Variants in PCDHGB7 observed in about 807,000 individuals in gnomAD.
PCDHGB7 encodes protocadherin gamma-B7.
A neutral mutation model predicts 61.4 loss-of-function variants in PCDHGB7; 37 were observed. The observed-to-expected ratio is 0.60, with a 90% CI of 0.46 to 0.79. The LOEUF is 0.79. Ranked by LOEUF, PCDHGB7 falls within the 30% of genes least tolerant of loss-of-function variation. The probability of loss-of-function intolerance (pLI) is 0.00; values close to 1 mark genes in which losing one functional copy is unlikely to be tolerated. For missense variants in PCDHGB7, 1,166 were observed against 1,202.5 expected (o/e 0.97, Z 0.45); for synonymous variants, 464 against 503.5 (o/e 0.92, Z 1.05).
chr5:141,454,796 ATTTTTT>A (rs61612330), intron 1 of PCDHGB7, among the ~76,000 whole-genome samples: 41 of 77,454 alleles, frequency 5.3e-4, no homozygotes, highest in African/African-American at 1.7e-3. Context: ...CATGGTTCTA[ATTTTTT>A]TTTTTTTTTT....
At chr5:141,481,894 A>G (rs1278425155) in intron 1 of PCDHGB7, among the ~76,000 whole-genome samples, 1 of 145,812 alleles carries the variant, frequency 6.9e-6, no homozygotes, top group Non-Finnish European at 1.5e-5. Flanking sequence ...AGCCTGGGTG[A>G]AAGAGCGAAA....
Position 141,431,962 on chromosome 5 carries a change from C to G in PCDHGB7, c.2415+11688C>G. 1.2e-6 allele frequency: 2 copies of G among 1,614,190 alleles called. No homozygotes were observed. Among genetic ancestry groups the G allele is most frequent in the South Asian group, 2.2e-5 (2 of 91,086 alleles). ...AATTAGAAAAATCTTACGGAAATTACTATAGTTTAGTCACAGACATAGTCT... is the reference window on the plus strand; with the variant it reads ...AATTAGAAAAATCTTACGGAAATTAGTATAGTTTAGTCACAGACATAGTCT... On this transcript the variant is annotated intron_variant, in intron 1 of 3. Transcript: ENST00000398594. The surrounding 1 kb of genome is among the most constrained non-coding windows in gnomAD (Gnocchi z 4.8).
intron 1 of PCDHGB7, among the ~76,000 whole-genome samples, chr5:141,457,729 T>A (rs950979422): frequency 2.0e-5 from 3 of 152,236 alleles, no homozygotes; most frequent in Non-Finnish European, 4.4e-5. Context: ...GAATTTCAGA[T>A]TAGACTTTTA....
At chr5:141,447,032 C>A (rs1412709585) in intron 1 of PCDHGB7, among the ~76,000 whole-genome samples, 1 of 149,498 alleles carries the variant, frequency 6.7e-6, no homozygotes, top group Admixed American at 6.6e-5. Context: ...TGTTTTTTTT[C>A]TGTGTCTGGA....
chr5:141,497,326 T>C (rs1021730142), intron 2 of PCDHGB7, among the ~76,000 whole-genome samples: 1 of 152,060 alleles, frequency 6.6e-6, no homozygotes, highest in Non-Finnish European at 1.5e-5. Flanking sequence ...TGAAGCAGAA[T>C]TCACCATTGA....
chr5:141,428,773 T>C (rs1036838681), intron 1 of PCDHGB7: 1 of 154,174 alleles, frequency 6.5e-6, no homozygotes, highest in Admixed American at 6.4e-5. Context: ...CCACTCTTAA[T>C]ATTTCCTGTT....
chr5:141,489,089 A>C lies in PCDHGB7; in HGVS notation c.2416-5718A>C. 6 of 284,452 alleles carry C rather than the reference A, an allele frequency of 2.1e-5. No individual in the cohort carries two copies. The highest frequency in any genetic ancestry group is 5.7e-5 in the East Asian group (1 of 17,568). The allele number at this position is 284,452 out of a possible 1,614,324, so 17.6% of individuals were successfully genotyped here. A position where few individuals can be genotyped will look rare whatever the true frequency, so the allele number is the denominator to read the frequency against. Reference sequence around the variant, plus strand: ...CCCTGCCCACCCCCGCCACTCGGTGACTAAGAACTGCTGCAAGCAGGCAAA... The same window carrying C: ...CCCTGCCCACCCCCGCCACTCGGTGCCTAAGAACTGCTGCAAGCAGGCAAA... On this transcript the variant is annotated intron_variant, in intron 1 of 3. Transcript: ENST00000398594. This position sits in a 1 kb window ranked among gnomAD's most constrained non-coding sequence, Gnocchi z 4.5.
At position 141,427,298 on chromosome 5, in the gene PCDHGB7, G is replaced by A. The variant is rs960474831; in HGVS notation, c.2415+7024G>A. The A allele has an allele frequency of 8.8e-6, 4 of 456,870 alleles. No individual in the cohort carries two copies. The Admixed American group carries it at 9.4e-5, about 11-fold the overall frequency. 28.3% of individuals were successfully genotyped at this position (456,870 alleles called of 1,614,324 possible). A position where few individuals can be genotyped will look rare whatever the true frequency, so the allele number is the denominator to read the frequency against. On this transcript the variant is annotated intron_variant, in intron 1 of 3. Coordinates refer to ENST00000398594, the MANE Select transcript of PCDHGB7 (RefSeq NM_018927.4). ...AAATTATACTAGAAATCCTAGATGA[G>A]AATGACAATGCCCCAGACGTGGTTT...
intron 1 of PCDHGB7, chr5:141,428,211 C>A: frequency 7.8e-7 from 1 of 1,284,316 alleles, no homozygotes; most frequent in Non-Finnish European, 1.1e-6. Context: ...CTACGCTTCA[C>A]CTAGTCTTCG....
At chr5:141,455,842 C>T (rs1224197325) in intron 1 of PCDHGB7, among the ~76,000 whole-genome samples, 1 of 150,876 alleles carries the variant, frequency 6.6e-6, no homozygotes, top group Non-Finnish European at 1.5e-5. Context: ...TGTCTATCTG[C>T]ATAAAATAAT....
intron 1 of PCDHGB7, among the ~76,000 whole-genome samples, chr5:141,457,926 GGGCTTTTATT>G (rs1398565105): frequency 6.6e-6 from 1 of 151,120 alleles, no homozygotes; most frequent in Non-Finnish European, 1.5e-5. Context: ...TCTCCCCAAG[GGGCTTTTATT>G]GGCTCTGCAT....
At chr5:141,426,655 A>C (rs2096950037) in intron 1 of PCDHGB7, 1 of 424,748 alleles carries the variant, frequency 2.4e-6, no homozygotes, top group Non-Finnish European at 4.8e-6. Flanking sequence ...ATGATAGAAG[A>C]TATAAATGAT....
chr5:141,481,676 G>T (rs975849679), intron 1 of PCDHGB7, among the ~76,000 whole-genome samples: 1 of 152,028 alleles, frequency 6.6e-6, no homozygotes, highest in Non-Finnish European at 1.5e-5. Flanking sequence ...AAATCAGGCC[G>T]GGCCTGGTGG....
rs1344329529 is a variant in PCDHGB7, at chr5:141,456,847, C to T, written c.2415+36573C>T. Among the ~76,000 whole-genome samples the T allele has an allele frequency of 2.0e-5, 3 of 152,084 alleles. No homozygotes were observed. The East Asian group carries it at 5.8e-4, about 29-fold the overall frequency. ...TCGTGGTAGTGGGCGCCTGTAATCC[C>T]AGCTAATTGGGAGGCTGAGGCAGGA... On this transcript the variant is annotated intron_variant, in intron 1 of 3. Transcript: ENST00000398594.
chr5:141,427,921 G>A (rs2097089596), intron 1 of PCDHGB7: 3 of 1,580,128 alleles, frequency 1.9e-6, no homozygotes, highest in African/African-American at 1.3e-5. Flanking sequence ...AACATGAGCC[G>A]GCGCATGTTG....
At chr5:141,482,343 A>G (rs1016179369) in intron 1 of PCDHGB7, among the ~76,000 whole-genome samples, 3 of 152,126 alleles carry the variant, frequency 2.0e-5, no homozygotes, top group Non-Finnish European at 2.9e-5. Flanking sequence ...TACTTTGCAA[A>G]CTTGTTGTGA....
intron 2 of PCDHGB7, among the ~76,000 whole-genome samples, chr5:141,504,750 A>C (rs921495017): frequency 6.6e-6 from 1 of 151,894 alleles, no homozygotes; most frequent in Admixed American, 6.5e-5. Context: ...ATTGAATTTT[A>C]GAAATTTCTT....
chr5:141,434,254 T>C (rs1440934691), intron 1 of PCDHGB7, among the ~76,000 whole-genome samples: 3 of 152,176 alleles, frequency 2.0e-5, no homozygotes, highest in Admixed American at 6.5e-5. Context: ...TTGGGCATTG[T>C]GGGGGAGGTG....
intron 1 of PCDHGB7, chr5:141,424,079 C>A: frequency 3.1e-6 from 3 of 973,190 alleles, no homozygotes; most frequent in African/African-American, 1.8e-5. Context: ...TAGTTATATT[C>A]CACCATTATT....
Sources: gnomAD v4.1 joint callset for allele counts (sites outside exome capture counted in the v4.1 genomes callset) on GRCh38, gnomAD v4.1.1 for gene constraint, Gnocchi (gnomAD v3.1) non-coding constraint, MANE v1.5 for transcripts, NCBI Gene and HGNC (gene_info 2026-07-23, HGNC 2026-07-21) for gene names.